FOXO3: variants seen among roughly 807,000 people sequenced by gnomAD.
FOXO3 encodes the protein forkhead box protein O3.
FOXO3 carries 4 observed loss-of-function variants against 41.9 expected under a neutral mutation model. That is an observed-to-expected ratio of 0.10 (90% confidence interval 0.05 to 0.22). The LOEUF (loss-of-function observed/expected upper bound fraction) is 0.22, where lower values mean the gene tolerates loss of function less well. FOXO3 is among the 10% of genes least tolerant of loss of function. The pLI, the probability that FOXO3 is intolerant of heterozygous loss-of-function variation, is 1.00. For missense variants in FOXO3, 534 were observed against 906.8 expected, an observed-to-expected ratio of 0.59 and a Z score of 5.28; for synonymous variants, 318 against 389.3, an observed-to-expected ratio of 0.82 and a Z score of 2.16.
At chr6:108,609,205 A>G (rs1365621173) in intron 1 of FOXO3, among the ~76,000 whole-genome samples, 3 of 152,192 alleles carry the variant, frequency 2.0e-5, no homozygotes, top group Non-Finnish European at 4.4e-5. Context: ...ATTATCTCTA[A>G]GCCTTACTAT....
At chr6:108,673,727 C>T (rs551752837) in intron 2 of FOXO3, among the ~76,000 whole-genome samples, 12 of 152,284 alleles carry the variant, frequency 7.9e-5, no homozygotes, top group African/African-American at 2.9e-4. Context: ...GCATCCCAGC[C>T]TGCACACTCC....
intron 1 of FOXO3, among the ~76,000 whole-genome samples, chr6:108,654,213 A>G (rs1778621598): frequency 6.6e-6 from 1 of 152,130 alleles, no homozygotes; most frequent in Admixed American, 6.6e-5. Context: ...CCGGAAGTGC[A>G]GGTTTGGCTG....
intron 1 of FOXO3, among the ~76,000 whole-genome samples, chr6:108,608,183 C>T (rs1777261271): frequency 6.6e-6 from 1 of 152,206 alleles, no homozygotes; most frequent in South Asian, 2.1e-4. Context: ...CCTCAAGTTT[C>T]TCTCTGTTTC....
chr6:108,663,395 C>T, intron 1 of FOXO3, 60 bp from the exon 2 acceptor site: 1 of 1,524,448 alleles, frequency 6.6e-7, no homozygotes, highest in Non-Finnish European at 8.8e-7. Flanking sequence ...ACTATATCAT[C>T]TGGGTGCTCG....
At chr6:108,627,539 A>G (rs1777845027) in intron 1 of FOXO3, among the ~76,000 whole-genome samples, 2 of 152,142 alleles carry the variant, frequency 1.3e-5, no homozygotes, top group African/African-American at 2.4e-5. Context: ...GGTAAAATAA[A>G]AGAAACAAAA....
chr6:108,626,453 C>G (rs541080079), intron 1 of FOXO3, among the ~76,000 whole-genome samples: 1 of 152,248 alleles, frequency 6.6e-6, no homozygotes. Flanking sequence ...AGGCTAATGT[C>G]TTGAGCCATG....
intron 2 of FOXO3, among the ~76,000 whole-genome samples, chr6:108,676,024 T>G (rs1770574315): frequency 6.6e-6 from 1 of 152,176 alleles, no homozygotes. Flanking sequence ...AAACTTGTCT[T>G]CCCTACAGAT....
At chr6:108,608,796 TC>T (rs1355773200) in intron 1 of FOXO3, among the ~76,000 whole-genome samples, 1 of 152,200 alleles carries the variant, frequency 6.6e-6, no homozygotes, top group Non-Finnish European at 1.5e-5. Context: ...TGAAGAAATA[TC>T]CTATTCTCAG....
intron 1 of FOXO3, among the ~76,000 whole-genome samples, chr6:108,625,063 C>T (rs1395813785): frequency 6.6e-6 from 1 of 152,146 alleles, no homozygotes; most frequent in Non-Finnish European, 1.5e-5. Context: ...ATTATAGGTG[C>T]AAGCCACTGC....
intron 1 of FOXO3, among the ~76,000 whole-genome samples, chr6:108,575,279 C>A (rs1339802820): frequency 6.6e-6 from 1 of 151,156 alleles, no homozygotes; most frequent in African/African-American, 2.4e-5. Context: ...AGCATAATTG[C>A]TTTGGTTCCA....
At chr6:108,637,798 A>T (rs1288105053) in intron 1 of FOXO3, among the ~76,000 whole-genome samples, 1 of 151,978 alleles carries the variant, frequency 6.6e-6, no homozygotes, top group Non-Finnish European at 1.5e-5. Flanking sequence ...CTCATTTAAA[A>T]TTTTTTTCCC....
intron 1 of FOXO3, among the ~76,000 whole-genome samples, chr6:108,583,169 G>A (rs904641165): frequency 5.9e-5 from 9 of 152,286 alleles, no homozygotes; most frequent in African/African-American, 2.2e-4. Flanking sequence ...CATATGTAAT[G>A]TGCCTGGATA....
At chr6:108,666,357 A>T (rs945495948) in intron 2 of FOXO3, among the ~76,000 whole-genome samples, 3 of 150,600 alleles carry the variant, frequency 2.0e-5, no homozygotes, top group Non-Finnish European at 4.4e-5. Context: ...TTTTTTTGAG[A>T]TGGAGTCTTG....
intron 2 of FOXO3, among the ~76,000 whole-genome samples, chr6:108,667,631 A>C (rs946466496): frequency 6.6e-6 from 1 of 152,342 alleles, no homozygotes; most frequent in Admixed American, 6.5e-5. Context: ...TTAGATTTTT[A>C]AAGTTTATCT....
At chr6:108,630,054 A>G (rs1470831495) in intron 1 of FOXO3, among the ~76,000 whole-genome samples, 1 of 152,144 alleles carries the variant, frequency 6.6e-6, no homozygotes, top group East Asian at 1.9e-4. Flanking sequence ...TCTAAACTCT[A>G]TGTTGCTCCT....
intron 1 of FOXO3, among the ~76,000 whole-genome samples, chr6:108,572,900 C>T (rs1776145855): frequency 6.6e-6 from 1 of 152,128 alleles, no homozygotes; most frequent in Non-Finnish European, 1.5e-5. Context: ...GGGATCCAAA[C>T]CCAGGGCTCT....
Position 108,561,137 on chromosome 6 carries a change from C to A in FOXO3, c.-72C>A, listed in dbSNP as rs1210475162. 23 of 1,477,326 alleles carry A rather than the reference C, an allele frequency of 1.6e-5. No individual in the cohort carries two copies. Among genetic ancestry groups the A allele is most frequent in the Admixed American group, 2.3e-5 (1 of 43,634 alleles). The allele number at this position is 1,477,326 out of a possible 1,614,324, so 91.5% of individuals were successfully genotyped here. ...GAGCCTTCGCGGCGTCCACGTCCCT[C>A]CCCCGCTGCACCCCGCCCCGGCGCG... On this transcript the variant is annotated 5_prime_UTR_variant, in exon 1 of 3. Coordinates refer to ENST00000406360, the MANE Select transcript of FOXO3 (RefSeq NM_001455.4).
At chr6:108,564,289 CT>C (rs879912504) in intron 1 of FOXO3, among the ~76,000 whole-genome samples, 1 of 152,112 alleles carries the variant, frequency 6.6e-6, no homozygotes. Context: ...AATAGGCAAC[CT>C]TTTTTTGTGT....
At chr6:108,651,788 G>A (rs953195947) in intron 1 of FOXO3, among the ~76,000 whole-genome samples, 2 of 152,134 alleles carry the variant, frequency 1.3e-5, no homozygotes, top group Admixed American at 1.3e-4. Context: ...AAAATAGTAG[G>A]CATATGTAAC....
Sources: gnomAD v4.1 joint callset for allele counts (sites outside exome capture counted in the v4.1 genomes callset) on GRCh38, gnomAD v4.1.1 for gene constraint, MANE v1.5 for transcripts, NCBI Gene and HGNC (gene_info 2026-07-23, HGNC 2026-07-21) for gene names.